ACSBG1: variants seen among roughly 807,000 people sequenced by gnomAD.
ACSBG1 encodes the protein long-chain-fatty-acid--CoA ligase ACSBG1.
ACSBG1 carries 39 observed loss-of-function variants against 80.2 expected under a neutral mutation model. The observed-to-expected ratio is 0.49, with a 90% CI of 0.38 to 0.64. ACSBG1 has a LOEUF of 0.64. ACSBG1 is among the 30% of genes least tolerant of loss of function. The probability of loss-of-function intolerance (pLI) is 0.00; values close to 1 mark genes in which losing one functional copy is unlikely to be tolerated. For synonymous variants in ACSBG1, 392 were observed against 379.5 expected, an observed-to-expected ratio of 1.03 and a Z score of -0.38; for missense variants, 828 against 966.4, an observed-to-expected ratio of 0.86 and a Z score of 1.90.
chr15:78,184,588 G>T (rs936353431), intron 5 of ACSBG1, among the ~76,000 whole-genome samples: 5 of 152,106 alleles, frequency 3.3e-5, no homozygotes, highest in African/African-American at 1.2e-4. Context: ...TAAAATAAAA[G>T]AAATACAAGA....
rs775361909 is a variant in ACSBG1, at chr15:78,181,984, T to C, written c.1056A>G (p.Glu352=). ...GCAGACTGACCTTCAGGGCGTCGGG[T>C]TCGGCAAAGCAAACCTGGGCCCCCC... The part of the protein sequence containing the change: ...IQWGAQVCFA[E]PDALKGSLVN... The change falls in exon 8 of 14, where the codon GAA becomes GAG. Residue 352 remains glutamate (E), a synonymous_variant. Transcript: ENST00000258873. 1.2e-6 allele frequency: 2 copies of C among 1,613,990 alleles called. No homozygotes were observed. Among genetic ancestry groups the C allele is most frequent in the Non-Finnish European group, 1.7e-6 (2 of 1,179,952 alleles).
chr15:78,199,105 TTTTC>T (rs897192315), intron 2 of ACSBG1, among the ~76,000 whole-genome samples: 32 of 152,020 alleles, frequency 2.1e-4, no homozygotes, highest in East Asian at 1.2e-3. Flanking sequence ...TTTTCTTTTC[TTTTC>T]TTTCTTTCTT....
intron 1 of ACSBG1, among the ~76,000 whole-genome samples, chr15:78,220,061 G>C (rs2075348694): frequency 6.6e-6 from 1 of 152,130 alleles, no homozygotes; most frequent in Admixed American, 6.5e-5. Flanking sequence ...CAAAGTTGAA[G>C]GATTTGCACT....
chr15:78,184,165 A>G (rs1428788557), intron 5 of ACSBG1, among the ~76,000 whole-genome samples: 1 of 151,972 alleles, frequency 6.6e-6, no homozygotes, highest in Non-Finnish European at 1.5e-5. Context: ...CAATAGTCTT[A>G]TTGGTTTCTG....
intron 1 of ACSBG1, among the ~76,000 whole-genome samples, chr15:78,221,806 T>C (rs1342002307): frequency 6.6e-6 from 1 of 152,182 alleles, no homozygotes; most frequent in Non-Finnish European, 1.5e-5. Context: ...TTACCAAGCA[T>C]ACTGCCTGCA....
rs2074762971 is a variant in ACSBG1 at position 78,167,711 on chromosome 15, CTA to C, written c.*3731_*3732del. 6.6e-6 allele frequency: 1 copy of C among 152,188 alleles called. No homozygotes were observed. Among genetic ancestry groups the C allele is most frequent in the South Asian group, 2.1e-4 (1 of 4,830 alleles). 9.4% of individuals were successfully genotyped at this position (152,188 alleles called of 1,614,324 possible). A position where few individuals can be genotyped will look rare whatever the true frequency, so the allele number is the denominator to read the frequency against. ...ACACCTGCCATTCTGCTTCCTGTCT[CTA>C]TGAATTTGACTACTCTAGGTACCTC... On this transcript the variant is annotated 3_prime_UTR_variant, in exon 14 of 14. Coordinates refer to ENST00000258873, the MANE Select transcript of ACSBG1 (RefSeq NM_015162.5).
intron 1 of ACSBG1, among the ~76,000 whole-genome samples, chr15:78,208,490 G>C (rs1287505406): frequency 6.6e-6 from 1 of 152,212 alleles, no homozygotes; most frequent in African/African-American, 2.4e-5. Flanking sequence ...CTCCTGGAGA[G>C]GGCAGACTTT....
intron 1 of ACSBG1, among the ~76,000 whole-genome samples, chr15:78,209,740 C>G (rs1459630115): frequency 6.6e-5 from 10 of 152,200 alleles, no homozygotes. Flanking sequence ...CCTGTGTTCT[C>G]AGAGGACGGT....
intron 1 of ACSBG1, chr15:78,209,070 C>T: frequency 7.1e-6 from 3 of 425,152 alleles, no homozygotes; most frequent in South Asian, 4.9e-5. Flanking sequence ...ACCCTGGCTC[C>T]AGGGAGCCCT....
At chr15:78,215,751 A>AAAGAAAGAAAGG (rs1567096324) in intron 1 of ACSBG1, among the ~76,000 whole-genome samples, 43 of 148,894 alleles carry the variant, frequency 2.9e-4, no homozygotes, top group Admixed American at 1.6e-3. Context: ...AGAAAGAAAG[A>AAAGAAAGAAAGG]AAGAAAGAAA....
intron 1 of ACSBG1, among the ~76,000 whole-genome samples, chr15:78,219,732 C>T (rs2075345076): frequency 6.6e-6 from 1 of 152,178 alleles, no homozygotes; most frequent in African/African-American, 2.4e-5. Flanking sequence ...TGCCTGTAAT[C>T]CCAGCACTTT....
intron 2 of ACSBG1, among the ~76,000 whole-genome samples, chr15:78,195,810 A>C (rs1184711077): frequency 6.6e-6 from 1 of 152,166 alleles, no homozygotes; most frequent in Non-Finnish European, 1.5e-5. Flanking sequence ...AGGGCTGGCC[A>C]GGACAGGTGG....
At chr15:78,224,473 A>G (rs1341620695) in intron 1 of ACSBG1, among the ~76,000 whole-genome samples, 3 of 152,092 alleles carry the variant, frequency 2.0e-5, no homozygotes, top group Non-Finnish European at 4.4e-5. Context: ...TAATCCCAGC[A>G]CTTTGGGAGG....
chr15:78,183,328 G>A (rs2074968395), intron 5 of ACSBG1, among the ~76,000 whole-genome samples: 2 of 152,232 alleles, frequency 1.3e-5, no homozygotes, highest in South Asian at 2.1e-4. Context: ...TGTAATCCCA[G>A]CACTTTGGGA....
intron 12 of ACSBG1, 65 bp downstream of exon 12, chr15:78,174,320 T>G: frequency 6.2e-7 from 1 of 1,608,066 alleles, no homozygotes; most frequent in African/African-American, 1.3e-5. Flanking sequence ...ATGTGGCTTC[T>G]GCCAGCCAGA....
At position 78,178,786 on chromosome 15, in the gene ACSBG1, C is replaced by A; in HGVS notation, c.1530G>T (p.Gln510His). ...AGATCTCGCCAATGCCCTCTGCGTC[C>A]TGGTTCACCAGCTTCACCCGACAGC... ...VPGCRVKLVNQDAEGIGEICL... is the reference protein window; with the variant it reads ...VPGCRVKLVNHDAEGIGEICL... The change falls in exon 11 of 14, where the codon CAG (glutamine) becomes CAT (histidine). Residue 510 changes from glutamine (Q) to histidine (H), a missense_variant. By Grantham distance (24) the Gln-to-His change is conservative. Transcript: ENST00000258873. The surrounding 1 kb of genome is among the most constrained non-coding windows in gnomAD (Gnocchi z 4.3). 6.2e-7 allele frequency: 1 copy of A among 1,613,898 alleles called. No homozygotes were observed. Among genetic ancestry groups the A allele is most frequent in the African/African-American group, 1.3e-5 (1 of 75,060 alleles).
In ACSBG1 at chr15:78,168,426, T is replaced by G. The variant is rs2074776443; in HGVS notation, c.*3018A>C. ...ATCGCTTGAACCCAGGAGGCAGAGGTTGTGGTGAGCTGGGATCGTGCCACT... is the reference window on the plus strand; with the variant it reads ...ATCGCTTGAACCCAGGAGGCAGAGGGTGTGGTGAGCTGGGATCGTGCCACT... On this transcript the variant is annotated 3_prime_UTR_variant, in exon 14 of 14. Coordinates refer to ENST00000258873, the MANE Select transcript of ACSBG1 (RefSeq NM_015162.5). The G allele has an allele frequency of 6.6e-6, 1 of 151,662 alleles. No individual in the cohort carries two copies. The highest frequency in any genetic ancestry group is 2.1e-4 in the South Asian group (1 of 4,796). 9.4% of individuals were successfully genotyped at this position (151,662 alleles called of 1,614,324 possible).
At chr15:78,229,773 C>T (rs1441532349) in intron 1 of ACSBG1, among the ~76,000 whole-genome samples, 1 of 152,128 alleles carries the variant, frequency 6.6e-6, no homozygotes, top group East Asian at 1.9e-4. Flanking sequence ...GATTCACAAA[C>T]CCCAAACCAG....
At chr15:78,213,643 C>A (rs947539775) in intron 1 of ACSBG1, 1 of 152,232 alleles carries the variant, frequency 6.6e-6, no homozygotes, top group South Asian at 2.1e-4. Flanking sequence ...CTATATGGCA[C>A]GGGACCCAGT....
Sources: allele counts gnomAD v4.1 joint callset (sites outside exome capture counted in the v4.1 genomes callset), GRCh38; gene constraint gnomAD v4.1.1; non-coding constraint Gnocchi (gnomAD v3.1); transcripts MANE v1.5; gene names NCBI Gene and HGNC (gene_info 2026-07-23, HGNC 2026-07-21).